Variants in FDFT1 observed in about 807,000 individuals in gnomAD.
FDFT1 encodes squalene synthase.
FDFT1 carries 68 observed loss-of-function variants against 46.8 expected under a neutral mutation model. That is an observed-to-expected ratio of 1.45 (90% CI 1.19 to 1.78). The LOEUF is 1.78. Ranked by LOEUF, FDFT1 falls within the 40% of genes most tolerant of loss-of-function variation. The probability of loss-of-function intolerance (pLI) is 0.00; values close to 1 mark genes in which losing one functional copy is unlikely to be tolerated. For missense variants in FDFT1, 928 were observed against 524.4 expected, an observed-to-expected ratio of 1.77 and a Z score of -7.52; for synonymous variants, 351 against 185.1, an observed-to-expected ratio of 1.90 and a Z score of -7.28.
At chr8:11,820,290 G>A (rs937362030) in intron 3 of FDFT1, among the ~76,000 whole-genome samples, 1 of 152,156 alleles carries the variant, frequency 6.6e-6, no homozygotes, top group Non-Finnish European at 1.5e-5. Context: ...TCCCAGTCAG[G>A]CTACATGGGG....
At chr8:11,830,660 C>T (rs1046005664) in intron 6 of FDFT1, among the ~76,000 whole-genome samples, 1 of 152,208 alleles carries the variant, frequency 6.6e-6, no homozygotes, top group African/African-American at 2.4e-5. Context: ...TTTTCTACAG[C>T]TATCCTAAAC....
intron 3 of FDFT1, among the ~76,000 whole-genome samples, chr8:11,814,673 C>T (rs913498599): frequency 1.3e-5 from 2 of 152,162 alleles, no homozygotes; most frequent in African/African-American, 4.8e-5. Flanking sequence ...AACTTTTTTA[C>T]ATTAGGGCTT....
chr8:11,802,027 T>C (rs769494046), upstream of FDFT1: 8 of 455,918 alleles, frequency 1.8e-5, no homozygotes, highest in Non-Finnish European at 3.5e-5. Context: ...AGATCTAGGA[T>C]GAGAGAAGTT....
chr8:11,797,661 G>C (rs199772796), upstream of FDFT1, among the ~76,000 whole-genome samples: 15 of 87,150 alleles, frequency 1.7e-4, no homozygotes, highest in East Asian at 1.1e-3. Flanking sequence ...AAAAAAAAAA[G>C]AAACAAACAA....
intron 5 of FDFT1, among the ~76,000 whole-genome samples, chr8:11,829,032 T>C (rs1168289388): frequency 1.3e-5 from 2 of 152,288 alleles, no homozygotes; most frequent in East Asian, 3.9e-4. Context: ...AGAAGTGGAA[T>C]TGCTGGTTCA....
chr8:11,827,154 C>T (rs1425681841), intron 5 of FDFT1, among the ~76,000 whole-genome samples: 1 of 152,094 alleles, frequency 6.6e-6, no homozygotes, highest in Non-Finnish European at 1.5e-5. Flanking sequence ...AAAAGTGTTT[C>T]CTGCAGCCAA....
At chr8:11,800,477 T>G (rs1806007829), upstream of FDFT1, among the ~76,000 whole-genome samples, 1 of 151,976 alleles carries the variant, frequency 6.6e-6, no homozygotes, top group Admixed American at 6.6e-5. Context: ...CGTTCTGTAT[T>G]TGTCCCGATT....
chr8:11,824,809 C>T (rs182738217), intron 4 of FDFT1, among the ~76,000 whole-genome samples: 116 of 152,174 alleles, frequency 7.6e-4, no homozygotes, highest in Non-Finnish European at 1.4e-3. Flanking sequence ...GATCTCGGCT[C>T]CCTGCAAGCT....
At chr8:11,820,759 C>A (rs939409064) in intron 3 of FDFT1, among the ~76,000 whole-genome samples, 3 of 152,190 alleles carry the variant, frequency 2.0e-5, no homozygotes, top group African/African-American at 7.2e-5. Flanking sequence ...ACTGTTCCTC[C>A]AGGTACAGTC....
chr8:11,828,458 G>A (rs928581412), intron 5 of FDFT1, among the ~76,000 whole-genome samples: 1 of 152,210 alleles, frequency 6.6e-6, no homozygotes, highest in African/African-American at 2.4e-5. Context: ...ATTGTCTGGG[G>A]ATGTATAGTG....
Position 11,802,930 on chromosome 8 carries a change from A to G in FDFT1, c.98A>G (p.Gln33Arg). The change falls in exon 1 of 8, where the codon CAG (glutamine) becomes CGG (arginine). Residue 33 changes from glutamine to arginine, a missense_variant and splice_region_variant. Coordinates refer to ENST00000220584, the MANE Select transcript of FDFT1 (RefSeq NM_004462.5). ...CGGAAGGTGATGCCCAAGATGGACC[A>G]GGTGGGCCGAGCCTCCCTGCTTGCC... ...GKRKVMPKMD[Q>R]DSLSSSLKTC... is the part of the protein sequence containing the mutation. 1 of 1,602,718 alleles carries G rather than the reference A, an allele frequency of 6.2e-7. No individual in the cohort carries two copies. The highest frequency in any genetic ancestry group is 8.5e-7 in the Non-Finnish European group (1 of 1,174,628).
At chr8:11,813,742 C>A (rs894872621) in intron 3 of FDFT1, among the ~76,000 whole-genome samples, 2 of 152,198 alleles carry the variant, frequency 1.3e-5, no homozygotes, top group African/African-American at 4.8e-5. Context: ...TACTTGGAAC[C>A]ATCAGAAAGT....
At chr8:11,808,743 C>T (rs897289625) in intron 1 of FDFT1, 51 bp from the exon 2 acceptor site, 69 of 1,234,504 alleles carry the variant, frequency 5.6e-5, no homozygotes, top group Middle Eastern at 1.9e-4. Flanking sequence ...CTCCCACTCC[C>T]ACTCCTGCTC....
In FDFT1 at chr8:11,830,283, A is replaced by G. The variant is rs1216401981; in HGVS notation, c.742A>G (p.Lys248Glu). The G allele has an allele frequency of 3.7e-6, 6 of 1,614,096 alleles. No individual in the cohort carries two copies. Among genetic ancestry groups the G allele is most frequent in the Non-Finnish European group, 5.1e-6 (6 of 1,179,944 alleles). ...RYVKKLGDFA[K>E]PENIDLAVQC... is the part of the protein sequence containing the mutation. ...TGTTAAGAAGTTAGGGGATTTTGCT[A>G]AGCCGGAGAATATTGACTTGGCCGT... is the stretch of plus-strand genomic sequence containing the variant. Residue 248 changes from lysine to glutamate, a missense_variant, in exon 6 of 8, where the codon AAG (lysine) becomes GAG (glutamate). Lys to Glu is a moderately conservative substitution (Grantham distance 56). Coordinates refer to ENST00000220584, the MANE Select transcript of FDFT1 (RefSeq NM_004462.5).
intron 1 of FDFT1, among the ~76,000 whole-genome samples, chr8:11,807,197 A>G (rs1286414814): frequency 1.3e-5 from 2 of 152,156 alleles, no homozygotes; most frequent in Admixed American, 6.5e-5. Context: ...TCTGCAGTGT[A>G]CAATATCATA....
At chr8:11,819,143 T>G (rs1238637199) in intron 3 of FDFT1, among the ~76,000 whole-genome samples, 1 of 152,196 alleles carries the variant, frequency 6.6e-6, no homozygotes, top group Admixed American at 6.5e-5. Context: ...AGATTCTGGG[T>G]TGAAAATTCT....
At chr8:11,813,371 T>A (rs1037729723) in intron 3 of FDFT1, among the ~76,000 whole-genome samples, 16 of 152,212 alleles carry the variant, frequency 1.1e-4, no homozygotes, top group African/African-American at 3.9e-4. Flanking sequence ...TATGAGTTAC[T>A]TACTAAATAT....
At chr8:11,825,056 C>G (rs985509954) in intron 4 of FDFT1, among the ~76,000 whole-genome samples, 2 of 152,120 alleles carry the variant, frequency 1.3e-5, no homozygotes, top group African/African-American at 4.8e-5. Flanking sequence ...GTTCTTAAAA[C>G]CGTGTCAAGA....
At chr8:11,802,645 A>C (rs1806268043), upstream of FDFT1, 1 of 599,312 alleles carries the variant, frequency 1.7e-6, no homozygotes, top group Non-Finnish European at 3.0e-6. Flanking sequence ...ACGAGGCCGC[A>C]GCTAGCCCCG....
Sources: gnomAD v4.1 joint callset for allele counts (sites outside exome capture counted in the v4.1 genomes callset) on GRCh38, gnomAD v4.1.1 for gene constraint, MANE v1.5 for transcripts, NCBI Gene and HGNC (gene_info 2026-07-23, HGNC 2026-07-21) for gene names.